The following IGSF3 variants were observed in gnomAD, a reference collection of about 807,000 sequenced individuals.
IGSF3 encodes the protein glu-Trp-Ile EWI motif-containing protein 3.
A neutral mutation model predicts 114.4 loss-of-function variants in IGSF3; 23 were observed. The ratio of observed to expected loss-of-function variants is 0.20; its 90% confidence interval spans 0.14 to 0.28. The LOEUF (loss-of-function observed/expected upper bound fraction) is 0.28, where lower values mean the gene tolerates loss of function less well. IGSF3 is among the 10% of genes least tolerant of loss of function. The pLI is 1.00. For synonymous variants in IGSF3, 571 were observed against 645.2 expected (o/e 0.88, Z 1.74); for missense variants, 1,172 against 1,591.5 (o/e 0.74, Z 4.48).
At position 116,598,818 on chromosome 1, in the gene IGSF3, G is replaced by C. The variant is rs140348350; in HGVS notation, c.2029+1123C>G. Among the ~76,000 whole-genome samples the C allele has an allele frequency of 3.9e-3, 590 of 152,336 alleles. 5 individuals carry two copies. The highest frequency in any genetic ancestry group is 0.013 in the African/African-American group (546 of 41,590). On this transcript the variant is annotated intron_variant, in intron 7 of 10. Transcript: ENST00000369486. This position sits in a 1 kb window ranked among gnomAD's most constrained non-coding sequence, Gnocchi z 4.3. ...CCCTCCACCAGCTTCTAACCTGGCA[G>C]GAGACAAGGACAGATGCAGGAAAAC...
Position 116,624,271 on chromosome 1 carries a change from C to T in IGSF3, c.44-7814G>A, listed in dbSNP as rs1446837997. On this transcript the variant is annotated intron_variant, in intron 2 of 10. Transcript: ENST00000369486. The surrounding 1 kb of genome is among the most constrained non-coding windows in gnomAD (Gnocchi z 4.9). ...CATGTGATAAATGCACTGTCACAAT[C>T]CAGCAGCAAACCTAAAGTTTGGATC... 2.6e-5 allele frequency among the ~76,000 whole-genome samples: 4 copies of T among 152,156 alleles called. No homozygotes were observed. Among genetic ancestry groups the T allele is most frequent in the Non-Finnish European group, 5.9e-5 (4 of 68,020 alleles).
At chr1:116,591,648 G>A (rs1660116328) in intron 7 of IGSF3, among the ~76,000 whole-genome samples, 1 of 152,146 alleles carries the variant, frequency 6.6e-6, no homozygotes, top group Non-Finnish European at 1.5e-5. Flanking sequence ...GGTGGGCAAG[G>A]GGTCAGCTCC....
chr1:116,582,682 A>T lies in IGSF3; in HGVS notation c.2848+1963T>A, dbSNP rs567632246. Among the ~76,000 whole-genome samples the T allele has an allele frequency of 2.0e-5, 3 of 152,340 alleles. No individual in the cohort carries two copies. Among genetic ancestry groups the T allele is most frequent in the African/African-American group, 7.2e-5 (3 of 41,578 alleles). ...TATGAAATGCTTTCACAGACATGGG[A>T]AAACGCTCATAAAAGAAAGTTGAGT... On this transcript the variant is annotated intron_variant, in intron 9 of 10. Transcript: ENST00000369486. This position sits in a 1 kb window ranked among gnomAD's most constrained non-coding sequence, Gnocchi z 4.7.
intron 2 of IGSF3, among the ~76,000 whole-genome samples, chr1:116,626,615 T>G (rs906737296): frequency 6.6e-6 from 1 of 152,190 alleles, no homozygotes; most frequent in Admixed American, 6.5e-5. Context: ...AGGGAAGACC[T>G]TATCACTTTC....
rs1411369827 is a variant in IGSF3, at chr1:116,618,276, A to T, written c.44-1819T>A. ...AACAGAACAAGTGGTATCTGAATTT[A>T]TTTGATATATTCTGGTTGATGGCAT... On this transcript the variant is annotated intron_variant, in intron 2 of 10. Transcript: ENST00000369486. This position sits in a 1 kb window ranked among gnomAD's most constrained non-coding sequence, Gnocchi z 4.7. Among the ~76,000 whole-genome samples the T allele has an allele frequency of 6.6e-6, 1 of 152,256 alleles. No homozygotes were observed. The highest frequency in any genetic ancestry group is 6.5e-5 in the Admixed American group (1 of 15,284).
Position 116,636,661 on chromosome 1 carries a change from C to G in IGSF3, c.44-20204G>C, listed in dbSNP as rs1188713245. ...GGCCTGAAAAGCTGCATGACTCACCCAAGGTCACGAGCAAGCCAGTGAAGA... is the reference window on the plus strand; with the variant it reads ...GGCCTGAAAAGCTGCATGACTCACCGAAGGTCACGAGCAAGCCAGTGAAGA... On this transcript the variant is annotated intron_variant, in intron 2 of 10. Coordinates refer to ENST00000369486, the MANE Select transcript of IGSF3 (RefSeq NM_001007237.3). The surrounding 1 kb of genome is among the most constrained non-coding windows in gnomAD (Gnocchi z 4.5). Among the ~76,000 whole-genome samples the G allele has an allele frequency of 2.6e-5, 4 of 152,270 alleles. No homozygotes were observed. Among genetic ancestry groups the G allele is most frequent in the Admixed American group, 2.6e-4 (4 of 15,296 alleles).
In IGSF3 at chr1:116,604,109, C is replaced by G. The variant is rs566554052; in HGVS notation, c.1223-84G>C. On this transcript the variant is annotated intron_variant, in intron 5 of 10. Coordinates refer to ENST00000369486, the MANE Select transcript of IGSF3 (RefSeq NM_001007237.3). Reference sequence around the variant, plus strand: ...CACAGAGGAAACAGGAGAAGGGGTGCAAATGGAATCATATTCAGGTACGGT... The same window carrying G: ...CACAGAGGAAACAGGAGAAGGGGTGGAAATGGAATCATATTCAGGTACGGT... The G allele has an allele frequency of 1.0e-5, 12 of 1,196,282 alleles. No individual in the cohort carries two copies. In the Admixed American group the frequency reaches 3.1e-4, roughly 31 times the overall value. 74.1% of individuals were successfully genotyped at this position (1,196,282 alleles called of 1,614,324 possible). A position where few individuals can be genotyped will look rare whatever the true frequency, so the allele number is the denominator to read the frequency against.
Position 116,593,861 on chromosome 1 carries a change from A to T in IGSF3, c.2030-4757T>A, listed in dbSNP as rs1660228309. On this transcript the variant is annotated intron_variant, in intron 7 of 10. Coordinates refer to ENST00000369486, the MANE Select transcript of IGSF3 (RefSeq NM_001007237.3). This position sits in a 1 kb window ranked among gnomAD's most constrained non-coding sequence, Gnocchi z 4.5. Reference sequence around the variant, plus strand: ...CATATTGATTTGGGGAGGGGTATATATTCAATGGAATAAAGCCATTAAAGA... The same window carrying T: ...CATATTGATTTGGGGAGGGGTATATTTTCAATGGAATAAAGCCATTAAAGA... Among the ~76,000 whole-genome samples, 1 of 152,204 alleles carries T rather than the reference A, an allele frequency of 6.6e-6. No homozygotes were observed. Among genetic ancestry groups the T allele is most frequent in the Admixed American group, 6.5e-5 (1 of 15,270 alleles).
rs1265268644 is a variant in IGSF3 at position 116,661,991 on chromosome 1, T to C, written c.43+4293A>G. Among the ~76,000 whole-genome samples, 4 of 152,144 alleles carry C rather than the reference T, an allele frequency of 2.6e-5. No individual in the cohort carries two copies. The highest frequency in any genetic ancestry group is 4.8e-5 in the African/African-American group (2 of 41,432). ...GTCATCTTGGACCATGAAGTCATCTTGGGAATAGAGAGCATGCACATGGAG... is the reference window on the plus strand; with the variant it reads ...GTCATCTTGGACCATGAAGTCATCTCGGGAATAGAGAGCATGCACATGGAG... On this transcript the variant is annotated intron_variant, in intron 2 of 10. Coordinates refer to ENST00000369486, the MANE Select transcript of IGSF3 (RefSeq NM_001007237.3). This position sits in a 1 kb window ranked among gnomAD's most constrained non-coding sequence, Gnocchi z 4.0.
At chr1:116,620,195 C>T (rs1196062481) in intron 2 of IGSF3, among the ~76,000 whole-genome samples, 1 of 152,058 alleles carries the variant, frequency 6.6e-6, no homozygotes, top group Non-Finnish European at 1.5e-5. Flanking sequence ...CCCTTTTGGC[C>T]ATCCCAGAGT....
rs889486702 is a variant in IGSF3 at position 116,650,294 on chromosome 1, C to G, written c.43+15990G>C. On this transcript the variant is annotated intron_variant, in intron 2 of 10. Coordinates refer to ENST00000369486, the MANE Select transcript of IGSF3 (RefSeq NM_001007237.3). The surrounding 1 kb of genome is among the most constrained non-coding windows in gnomAD (Gnocchi z 5.0). ...CCTCAGGGTTTTTCCCATCTCTTCC[C>G]GTCTGCTGGCCTCAACAAACCTGCT... 6.6e-6 allele frequency among the ~76,000 whole-genome samples: 1 copy of G among 152,178 alleles called. No individual in the cohort carries two copies. The highest frequency in any genetic ancestry group is 1.5e-5 in the Non-Finnish European group (1 of 68,040).
In IGSF3 at chr1:116,600,092, G is replaced by A. The variant is rs777298823; in HGVS notation, c.1878C>T (p.Asn626=). The stretch of plus-strand genomic sequence containing the variant: ...CTCGGCTGATGCTTAGGCGGACGTT[G>A]TTGCTGGACTCAGCCTTCTCGATGG... ...RTAIEKAESS[N]NVRLSISRAS... is the part of the protein sequence containing the mutation. Residue 626 remains asparagine, a synonymous_variant, in exon 7 of 11, where the codon AAC becomes AAT. Coordinates refer to ENST00000369486, the MANE Select transcript of IGSF3 (RefSeq NM_001007237.3). This position sits in a 1 kb window ranked among gnomAD's most constrained non-coding sequence, Gnocchi z 5.5. 1.2e-6 allele frequency: 2 copies of A among 1,614,232 alleles called. No homozygotes were observed. The highest frequency in any genetic ancestry group is 3.3e-5 in the Admixed American group (2 of 60,020).
rs1490940159 is a variant in IGSF3 at position 116,591,387 on chromosome 1, G to A, written c.2030-2283C>T. Among the ~76,000 whole-genome samples, 5 of 152,272 alleles carry A rather than the reference G, an allele frequency of 3.3e-5. No individual in the cohort carries two copies. In the South Asian group the frequency reaches 6.2e-4, roughly 19 times the overall value. Reference sequence around the variant, plus strand: ...CATGGAGTAGAAAGAGCTTTAAAATGTATTATTAATTGGGGCCGGATTATT... The same window carrying A: ...CATGGAGTAGAAAGAGCTTTAAAATATATTATTAATTGGGGCCGGATTATT... On this transcript the variant is annotated intron_variant, in intron 7 of 10. Transcript: ENST00000369486.
chr1:116,635,628 GCA>G (rs1311839888), intron 2 of IGSF3, among the ~76,000 whole-genome samples: 3 of 152,186 alleles, frequency 2.0e-5, no homozygotes, highest in Admixed American at 6.5e-5. Flanking sequence ...AAGGCTTAAG[GCA>G]GCTTAAGCAC....
chr1:116,630,324 G>A (rs1647500643), intron 2 of IGSF3, among the ~76,000 whole-genome samples: 1 of 152,234 alleles, frequency 6.6e-6, no homozygotes, highest in Admixed American at 6.5e-5. Flanking sequence ...TCCTGAAGTA[G>A]AGGCTTTCTC....
chr1:116,617,823 G>T (rs900037454), intron 2 of IGSF3, among the ~76,000 whole-genome samples: 11 of 152,228 alleles, frequency 7.2e-5, no homozygotes, highest in Non-Finnish European at 1.0e-4. Context: ...TAGAGGACAG[G>T]ATTTGGCCAA....
In IGSF3 at chr1:116,665,868, A is replaced by G. The variant is rs1557891246; in HGVS notation, c.43+416T>C. Among the ~76,000 whole-genome samples, 2 of 152,086 alleles carry G rather than the reference A, an allele frequency of 1.3e-5. No individual in the cohort carries two copies. Among genetic ancestry groups the G allele is most frequent in the Non-Finnish European group, 1.5e-5 (1 of 68,016 alleles). On this transcript the variant is annotated intron_variant, in intron 2 of 10. Coordinates refer to ENST00000369486, the MANE Select transcript of IGSF3 (RefSeq NM_001007237.3). The surrounding 1 kb of genome is among the most constrained non-coding windows in gnomAD (Gnocchi z 4.0). ...AGGCACCATCATTATCACCCAAACC[A>G]ACTTTCGAGACAGAGGGGAATGATG...
rs922682006 is a variant in IGSF3, at chr1:116,616,681, G to A, written c.44-224C>T. On this transcript the variant is annotated intron_variant, in intron 2 of 10. Coordinates refer to ENST00000369486, the MANE Select transcript of IGSF3 (RefSeq NM_001007237.3). This position sits in a 1 kb window ranked among gnomAD's most constrained non-coding sequence, Gnocchi z 6.6. ...ATATATGGGAATTTGATCATGCCAA[G>A]ATGTGCTTTTGTTACTTATTCAACA... Among the ~76,000 whole-genome samples, 1 of 152,186 alleles carries A rather than the reference G, an allele frequency of 6.6e-6. No individual in the cohort carries two copies. Among genetic ancestry groups the A allele is most frequent in the African/African-American group, 2.4e-5 (1 of 41,434 alleles).
At position 116,662,968 on chromosome 1, in the gene IGSF3, T is replaced by TA. The variant is rs1461251635; in HGVS notation, c.43+3315dup. 2.0e-5 allele frequency among the ~76,000 whole-genome samples: 3 copies of TA among 152,172 alleles called. No homozygotes were observed. The highest frequency in any genetic ancestry group is 2.9e-5 in the Non-Finnish European group (2 of 68,020). Reference sequence around the variant, plus strand: ...AAGTAAGAGATGGCTTCCTCAGCCTTACCGTATTCAAAGAAGAGACTTCCC... The same window carrying TA: ...AAGTAAGAGATGGCTTCCTCAGCCTTAACCGTATTCAAAGAAGAGACTTCCC... On this transcript the variant is annotated intron_variant, in intron 2 of 10. Coordinates refer to ENST00000369486, the MANE Select transcript of IGSF3 (RefSeq NM_001007237.3). The surrounding 1 kb of genome is among the most constrained non-coding windows in gnomAD (Gnocchi z 4.3).
Sources: gnomAD v4.1 joint callset for allele counts (sites outside exome capture counted in the v4.1 genomes callset) on GRCh38, gnomAD v4.1.1 for gene constraint, Gnocchi (gnomAD v3.1) non-coding constraint, MANE v1.5 for transcripts, NCBI Gene and HGNC (gene_info 2026-07-23, HGNC 2026-07-21) for gene names.